Variants in ITPR3 observed in about 807,000 individuals in gnomAD.
ITPR3 encodes the protein inositol 1,4,5-trisphosphate-gated calcium channel ITPR3.
A neutral mutation model predicts 293.2 loss-of-function variants in ITPR3; 173 were observed. The observed-to-expected ratio is 0.59, with a 90% CI of 0.52 to 0.67. The LOEUF (loss-of-function observed/expected upper bound fraction) is 0.67, where lower values mean the gene tolerates loss of function less well. Ranked by LOEUF, ITPR3 falls within the 30% of genes least tolerant of loss-of-function variation. ITPR3 has a pLI of 0.00. For missense variants in ITPR3, 2,796 were observed against 3,592.1 expected, an observed-to-expected ratio of 0.78 and a Z score of 5.66; for synonymous variants, 1,295 against 1,444.4, an observed-to-expected ratio of 0.90 and a Z score of 2.35.
At chr6:33,668,404 C>A in intron 16 of ITPR3, 111 bp from the exon 17 acceptor site, 1 of 1,401,792 alleles carries the variant, frequency 7.1e-7, no homozygotes, top group Non-Finnish European at 9.7e-7. Context: ...TGGGAGGGAG[C>A]TAGTTCCAGG....
chr6:33,664,969 G>T lies in ITPR3; in HGVS notation c.1248G>T (p.Met416Ile), dbSNP rs752745645. The part of the protein sequence containing the change: ...DIEEERPIRL[M>I]LGTCPTKEDK... The stretch of plus-strand genomic sequence containing the variant: ...AGGAGGAGCGGCCCATCCGGCTCAT[G>T]GTGCGTGTCCCTGGGGTGGGGGTGG... Residue 416 changes from methionine to isoleucine, a missense_variant and splice_region_variant, in exon 12 of 58, where the codon ATG becomes ATT. Met to Ile is a conservative substitution (Grantham distance 10, BLOSUM62 1). Transcript: ENST00000605930. The surrounding 1 kb of genome is among the most constrained non-coding windows in gnomAD (Gnocchi z 4.4). 6.2e-7 allele frequency: 1 copy of T among 1,613,876 alleles called. No individual in the cohort carries two copies. The highest frequency in any genetic ancestry group is 8.5e-7 in the Non-Finnish European group (1 of 1,179,968).
intron 2 of ITPR3, 96 bp downstream of exon 2, chr6:33,640,650 G>A (rs1763927748): frequency 1.9e-6 from 2 of 1,052,318 alleles, no homozygotes; most frequent in Non-Finnish European, 2.8e-6. Flanking sequence ...CCCAGTGGCT[G>A]GATTAGATGT....
rs773046403 is a variant in ITPR3, at chr6:33,682,528, A to G, written c.4481A>G (p.His1494Arg). 6.5e-7 allele frequency: 1 copy of G among 1,536,798 alleles called. No individual in the cohort carries two copies. Among genetic ancestry groups the G allele is most frequent in the Non-Finnish European group, 8.8e-7 (1 of 1,140,086 alleles). ...FSENSTSLQT[H>R]QTIVVQLLQS... ...GGGCTCTGTGACTTCTTGCAGACAC[A>G]CCAGACGATTGTGGTGCAGCTGCTG... Residue 1494 changes from histidine to arginine, a missense_variant, in exon 34 of 58, where the codon CAC becomes CGC. This residue lies in a region of ITPR3 where 704 missense variants were observed against 797.5 expected (regional missense o/e 0.88). Coordinates refer to ENST00000605930, the MANE Select transcript of ITPR3 (RefSeq NM_002224.4). The surrounding 1 kb of genome is among the most constrained non-coding windows in gnomAD (Gnocchi z 5.4).
Position 33,685,729 on chromosome 6 carries a change from CG to C in ITPR3, c.5570del (p.Arg1857LeufsTer104). 2 of 1,609,230 alleles carry C rather than the reference CG, an allele frequency of 1.2e-6. No homozygotes were observed. Among genetic ancestry groups the C allele is most frequent in the South Asian group, 2.2e-5 (2 of 90,774 alleles). The stretch of plus-strand genomic sequence containing the variant: ...GCGCCGGGGGCACGAGGTGAGCGAA[CG>C]TGTGCAGAGCAGTGAGATGGGCACA... Reference protein sequence around the residue: ...SLRRGHEVSERVQSSEMGTSV... With the variant: ...SLRRGHEVSEXVQSSEMGTSV... On this transcript the variant is annotated frameshift_variant, in exon 41 of 58. Coordinates refer to ENST00000605930, the MANE Select transcript of ITPR3 (RefSeq NM_002224.4). LOFTEE classifies it high-confidence loss of function.
At chr6:33,694,850 C>T in intron 56 of ITPR3, 74 bp from the exon 57 acceptor site, 2 of 1,582,568 alleles carry the variant, frequency 1.3e-6, no homozygotes, top group Middle Eastern at 1.7e-4. Flanking sequence ...CCTCCCCCCA[C>T]ATTACTGTTT....
Position 33,638,067 on chromosome 6 carries a change from G to A in ITPR3, c.90-2417G>A, listed in dbSNP as rs554693771. On this transcript the variant is annotated intron_variant, in intron 1 of 57. Transcript: ENST00000605930. The surrounding 1 kb of genome is among the most constrained non-coding windows in gnomAD (Gnocchi z 4.3). ...TTCGCCCAGGCTGAAGTGCAGTGGCGTGATCTCGGCTCACCACAACCTCTG... is the reference window on the plus strand; with the variant it reads ...TTCGCCCAGGCTGAAGTGCAGTGGCATGATCTCGGCTCACCACAACCTCTG... 1.3e-5 allele frequency among the ~76,000 whole-genome samples: 2 copies of A among 151,004 alleles called. No individual in the cohort carries two copies. Among genetic ancestry groups the A allele is most frequent in the African/African-American group, 2.4e-5 (1 of 41,048 alleles).
chr6:33,686,269 G>A lies in ITPR3; in HGVS notation c.5868+16G>A, dbSNP rs1165605615. Reference sequence around the variant, plus strand: ...TGAGAACCAGGTGAGCTGTCCTGGTGGCATAAGTGGCAGCCAGGGTGGCAG... The same window carrying A: ...TGAGAACCAGGTGAGCTGTCCTGGTAGCATAAGTGGCAGCCAGGGTGGCAG... On this transcript the variant is annotated intron_variant, in intron 42 of 57. Coordinates refer to ENST00000605930, the MANE Select transcript of ITPR3 (RefSeq NM_002224.4). 6.2e-7 allele frequency: 1 copy of A among 1,610,580 alleles called. No homozygotes were observed. The highest frequency in any genetic ancestry group is 8.5e-7 in the Non-Finnish European group (1 of 1,177,876).
Position 33,690,126 on chromosome 6 carries a change from C to T in ITPR3, c.6960C>T (p.Phe2320=), listed in dbSNP as rs145744947. 22 of 1,614,086 alleles carry T rather than the reference C, an allele frequency of 1.4e-5. No homozygotes were observed. In the African/African-American group the frequency reaches 2.0e-4, roughly 15 times the overall value. Residue 2320 remains phenylalanine, a synonymous_variant, in exon 51 of 58, where the codon TTC becomes TTT. Transcript: ENST00000605930. ...GYKAMVMDME[F]LYHVGYILTS... ...AGGCCATGGTCATGGACATGGAATT[C>T]CTCTACCACGTGGGCTACATCCTGA... is the stretch of plus-strand genomic sequence containing the variant.
chr6:33,673,445 A>G, intron 22 of ITPR3, 146 bp from the exon 23 acceptor site: 1 of 1,011,488 alleles, frequency 9.9e-7, no homozygotes, highest in South Asian at 1.6e-5. Flanking sequence ...AGCATCCCAA[A>G]TGACTGTGCT....
rs531111496 is a variant in ITPR3 at position 33,638,780 on chromosome 6, G to A, written c.90-1704G>A. On this transcript the variant is annotated intron_variant, in intron 1 of 57. Coordinates refer to ENST00000605930, the MANE Select transcript of ITPR3 (RefSeq NM_002224.4). This position sits in a 1 kb window ranked among gnomAD's most constrained non-coding sequence, Gnocchi z 4.3. ...GGAACTCACAGTGTAGACACAGCAA[G>A]TCAAGAAGTGGGGAGAGACACTGCC... Among the ~76,000 whole-genome samples, 3 of 152,354 alleles carry A rather than the reference G, an allele frequency of 2.0e-5. No homozygotes were observed. Among genetic ancestry groups the A allele is most frequent in the South Asian group, 4.1e-4 (2 of 4,828 alleles).
intron 56 of ITPR3, 148 bp from the exon 57 acceptor site, chr6:33,694,776 G>C: frequency 3.0e-6 from 3 of 997,960 alleles, no homozygotes; most frequent in Non-Finnish European, 3.0e-6. Flanking sequence ...GGGAGGACCA[G>C]GTCAATTCAG....
At position 33,695,654 on chromosome 6, in the gene ITPR3, C is replaced by T. The variant is rs113900424; in HGVS notation, c.7948-58C>T. Reference sequence around the variant, plus strand: ...GGGTGCCAAGCTCTTCCACAGCACCCATGGAGGGAAGGTGCCAGGCGGCCT... The same window carrying T: ...GGGTGCCAAGCTCTTCCACAGCACCTATGGAGGGAAGGTGCCAGGCGGCCT... On this transcript the variant is annotated intron_variant, in intron 57 of 57. Coordinates refer to ENST00000605930, the MANE Select transcript of ITPR3 (RefSeq NM_002224.4). The T allele has an allele frequency of 1.3e-4, 195 of 1,531,978 alleles. 2 individuals are homozygous for T. The African/African-American group carries it at 1.5e-3, about 12-fold the overall frequency. 94.9% of individuals were successfully genotyped at this position (1,531,978 alleles called of 1,614,324 possible). A position where few individuals can be genotyped will look rare whatever the true frequency, so the allele number is the denominator to read the frequency against.
intron 2 of ITPR3, among the ~76,000 whole-genome samples, chr6:33,646,832 G>A (rs967458659): frequency 1.3e-5 from 2 of 151,986 alleles, no homozygotes; most frequent in Non-Finnish European, 2.9e-5. Context: ...TGGGAGGATC[G>A]CATGAGGCCA....
chr6:33,680,403 C>T lies in ITPR3; in HGVS notation c.4299C>T (p.Thr1433=). 6.2e-7 allele frequency: 1 copy of T among 1,613,610 alleles called. No homozygotes were observed. The highest frequency in any genetic ancestry group is 1.3e-5 in the African/African-American group (1 of 75,044). ...AGGTGGAGATGAAGGAGATCTACAC[C>T]AGCAACCACATCTGGACGCTCTTTG... The part of the protein sequence containing the change: ...DTEVEMKEIY[T]SNHIWTLFEN... Residue 1433 remains threonine, a synonymous_variant, in exon 32 of 58, where the codon ACC becomes ACT. Transcript: ENST00000605930.
At chr6:33,662,885 C>T (rs751703413) in intron 8 of ITPR3, 26 bp from the exon 9 acceptor site, 26 of 1,566,290 alleles carry the variant, frequency 1.7e-5, no homozygotes, top group Non-Finnish European at 2.2e-5. Flanking sequence ...GTCTCTCCTT[C>T]CTGCCTCACA....
rs956077155 is a variant in ITPR3 at position 33,633,528 on chromosome 6, C to A, written c.90-6956C>A. ...TCAGGTGGGGAGGGGTACCCCGGGG[C>A]CGCCCTCCGCGGGCAGACGAGCGGG... On this transcript the variant is annotated intron_variant, in intron 1 of 57. Transcript: ENST00000605930. This position sits in a 1 kb window ranked among gnomAD's most constrained non-coding sequence, Gnocchi z 5.2. Among the ~76,000 whole-genome samples the A allele has an allele frequency of 6.6e-6, 1 of 152,046 alleles. No homozygotes were observed. Among genetic ancestry groups the A allele is most frequent in the African/African-American group, 2.4e-5 (1 of 41,442 alleles).
At chr6:33,631,444 C>T (rs183676895) in intron 1 of ITPR3, among the ~76,000 whole-genome samples, 4 of 152,100 alleles carry the variant, frequency 2.6e-5, no homozygotes, top group Non-Finnish European at 5.9e-5. Flanking sequence ...TTTAGGTAGC[C>T]GAAGCAGAGA....
chr6:33,684,947 TG>T lies in ITPR3; in HGVS notation c.5307+10del. 2 of 1,601,994 alleles carry T rather than the reference TG, an allele frequency of 1.2e-6. No homozygotes were observed. The highest frequency in any genetic ancestry group is 1.7e-5 in the Admixed American group (1 of 59,442). On this transcript the variant is annotated splice_donor_5th_base_variant and intron_variant, in intron 39 of 57. Transcript: ENST00000605930. The surrounding 1 kb of genome is among the most constrained non-coding windows in gnomAD (Gnocchi z 4.2). The stretch of plus-strand genomic sequence containing the variant: ...TGGTGGCAACACAGAGATCCAGGTG[TG>T]GGGGGCCTGGGGCCTGGACATGCCC...
chr6:33,695,659 A>G (rs1299783977), intron 57 of ITPR3, 53 bp from the exon 58 acceptor site: 1 of 1,555,954 alleles, frequency 6.4e-7, no homozygotes, highest in Non-Finnish European at 8.9e-7. Flanking sequence ...GCACCCATGG[A>G]GGGAAGGTGC....
Sources: gnomAD v4.1 joint callset for allele counts (sites outside exome capture counted in the v4.1 genomes callset) on GRCh38, gnomAD v4.1.1 for gene constraint, gnomAD v4.1.1 regional missense constraint, Gnocchi (gnomAD v3.1) non-coding constraint, MANE v1.5 for transcripts, NCBI Gene and HGNC (gene_info 2026-07-23, HGNC 2026-07-21) for gene names.